TNKS: variants seen among roughly 807,000 people sequenced by gnomAD.
The protein encoded by TNKS is tankyrase.
A neutral mutation model predicts 135.8 loss-of-function variants in TNKS; 72 were observed. That is an observed-to-expected ratio of 0.53 (90% CI 0.44 to 0.64). The LOEUF is 0.64. Among genes scored for constraint, TNKS ranks in the 30% least tolerant of loss-of-function variants. The pLI is 0.00. For synonymous variants in TNKS, 849 were observed against 649.3 expected (o/e 1.31, Z -4.68); for missense variants, 1,769 against 1,674.0 (o/e 1.06, Z -0.99).
At chr8:9,625,565 C>A (rs1800025672) in intron 3 of TNKS, among the ~76,000 whole-genome samples, 1 of 151,912 alleles carries the variant, frequency 6.6e-6, no homozygotes, top group African/African-American at 2.4e-5. Context: ...GTGATTCGCA[C>A]ATTTTGATTT....
At chr8:9,559,643 C>T (rs907695801) in intron 1 of TNKS, among the ~76,000 whole-genome samples, 1 of 152,142 alleles carries the variant, frequency 6.6e-6, no homozygotes, top group African/African-American at 2.4e-5. Context: ...GTATTCTTCC[C>T]TTGTCTGTGT....
chr8:9,619,918 T>G (rs1457689845), intron 3 of TNKS, among the ~76,000 whole-genome samples: 3 of 151,930 alleles, frequency 2.0e-5, no homozygotes, highest in African/African-American at 4.8e-5. Flanking sequence ...TAGATTTTGC[T>G]GAAACCAAAA....
chr8:9,658,464 A>T, intron 3 of TNKS: 1 of 819,012 alleles, frequency 1.2e-6, no homozygotes, highest in Non-Finnish European at 1.8e-6. Context: ...TCAACCCAGA[A>T]TTTCATATCC....
intron 3 of TNKS, among the ~76,000 whole-genome samples, chr8:9,616,002 A>C (rs1304542039): frequency 6.6e-6 from 1 of 152,184 alleles, no homozygotes; most frequent in East Asian, 1.9e-4. Context: ...ACTGTTGAGC[A>C]AGCAAGGGCA....
intron 5 of TNKS, among the ~76,000 whole-genome samples, chr8:9,682,371 A>G (rs927129772): frequency 2.0e-5 from 3 of 152,134 alleles, no homozygotes; most frequent in Admixed American, 6.5e-5. Context: ...TCCTAGTGCA[A>G]TAAATCATAA....
At chr8:9,601,889 A>G (rs4841178) in intron 2 of TNKS, among the ~76,000 whole-genome samples, 30,362 of 152,002 alleles carry the variant, frequency 0.2, 3,293 homozygotes, top group East Asian at 0.29. Flanking sequence ...TCTTTCTTCA[A>G]ATGAAATATA....
At chr8:9,587,126 C>CTA (rs774900709) in intron 2 of TNKS, among the ~76,000 whole-genome samples, 16 of 151,766 alleles carry the variant, frequency 1.1e-4, no homozygotes, top group Non-Finnish European at 2.1e-4. Flanking sequence ...ATTTTGGTTG[C>CTA]TAATCAGTTA....
At chr8:9,696,525 T>C (rs1803522102) in intron 5 of TNKS, among the ~76,000 whole-genome samples, 1 of 152,144 alleles carries the variant, frequency 6.6e-6, no homozygotes, top group South Asian at 2.1e-4. Flanking sequence ...ACTGACACTA[T>C]GATTTTATTC....
At chr8:9,592,663 G>A (rs1018901568) in intron 2 of TNKS, among the ~76,000 whole-genome samples, 3 of 152,144 alleles carry the variant, frequency 2.0e-5, no homozygotes, top group Non-Finnish European at 4.4e-5. Context: ...TATTCTTATT[G>A]TCTATCACTG....
chr8:9,587,092 A>G (rs1264165326), intron 2 of TNKS, among the ~76,000 whole-genome samples: 1 of 152,196 alleles, frequency 6.6e-6, no homozygotes, highest in Admixed American at 6.5e-5. Context: ...TACATTGCTA[A>G]CAGAAATTAA....
chr8:9,707,594 C>T (rs567624616), intron 8 of TNKS, among the ~76,000 whole-genome samples: 1 of 152,230 alleles, frequency 6.6e-6, no homozygotes, highest in East Asian at 1.9e-4. Flanking sequence ...AGGTCATCTT[C>T]TGAATATATT....
intron 26 of TNKS, among the ~76,000 whole-genome samples, chr8:9,772,692 C>T (rs555534212): frequency 7.2e-5 from 11 of 151,860 alleles, no homozygotes; most frequent in African/African-American, 2.7e-4. Context: ...TGATTCTGTA[C>T]TTACGTAAGG....
chr8:9,621,611 A>C (rs1799870742), intron 3 of TNKS, among the ~76,000 whole-genome samples: 1 of 151,754 alleles, frequency 6.6e-6, no homozygotes, highest in African/African-American at 2.4e-5. Flanking sequence ...TCTTTTGGCC[A>C]TTGTTCTGTT....
chr8:9,621,542 GTGATCC>G (rs544640688), intron 3 of TNKS, among the ~76,000 whole-genome samples: 3 of 152,232 alleles, frequency 2.0e-5, no homozygotes, highest in African/African-American at 7.2e-5. Context: ...CTGACCTCAG[GTGATCC>G]ACCCACCTCA....
At chr8:9,749,815 CCTT>C (rs1441752031) in intron 18 of TNKS, among the ~76,000 whole-genome samples, 35 of 152,274 alleles carry the variant, frequency 2.3e-4, no homozygotes, top group Admixed American at 5.2e-4. Flanking sequence ...TCTGAATTAT[CCTT>C]CTCTTTTCAT....
At chr8:9,643,666 T>C (rs1182993615) in intron 3 of TNKS, among the ~76,000 whole-genome samples, 1 of 152,016 alleles carries the variant, frequency 6.6e-6, no homozygotes, top group Non-Finnish European at 1.5e-5. Flanking sequence ...TTGAGCACTG[T>C]TGGTGGGATT....
At chr8:9,620,800 C>G (rs955111855) in intron 3 of TNKS, among the ~76,000 whole-genome samples, 5 of 152,200 alleles carry the variant, frequency 3.3e-5, no homozygotes, top group African/African-American at 7.2e-5. Context: ...TGCCATCAGC[C>G]TATTTGATTT....
chr8:9,723,440 G>T (rs1488241730), intron 12 of TNKS, among the ~76,000 whole-genome samples: 2 of 152,018 alleles, frequency 1.3e-5, no homozygotes, highest in African/African-American at 4.8e-5. Flanking sequence ...ATCTACTTTA[G>T]AAACCTGCAC....
Position 9,641,822 on chromosome 8 carries a change from T to C in TNKS, c.994+26145T>C, listed in dbSNP as rs1406645843. 1.4e-5 allele frequency among the ~76,000 whole-genome samples: 2 copies of C among 146,026 alleles called. 1 individual carries two copies. Among genetic ancestry groups the C allele is most frequent in the Non-Finnish European group, 3.0e-5 (2 of 66,614 alleles). The stretch of plus-strand genomic sequence containing the variant: ...GTTAGTTTCATCATCTGCCCTACAA[T>C]ATATCTATCTGCACAAGTCGTTTTC... On this transcript the variant is annotated intron_variant, in intron 3 of 26. Coordinates refer to ENST00000310430, the MANE Select transcript of TNKS (RefSeq NM_003747.3).
Sources: allele counts gnomAD v4.1 joint callset (sites outside exome capture counted in the v4.1 genomes callset), GRCh38; gene constraint gnomAD v4.1.1; transcripts MANE v1.5; gene names NCBI Gene and HGNC (gene_info 2026-07-23, HGNC 2026-07-21).